EPHA7: variants seen among roughly 807,000 people sequenced by gnomAD.
EPHA7 encodes EPH receptor A7, also known as ephrin type-A receptor 7.
A neutral mutation model predicts 112.6 loss-of-function variants in EPHA7; 25 were observed. That is an observed-to-expected ratio of 0.22 (90% confidence interval 0.16 to 0.31). The LOEUF is 0.31. Among genes scored for constraint, EPHA7 ranks in the 10% least tolerant of loss-of-function variants. The pLI is 1.00. For synonymous variants in EPHA7, 437 were observed against 406.5 expected (o/e 1.07, Z -0.90); for missense variants, 962 against 1,212.6 (o/e 0.79, Z 3.07).
intron 5 of EPHA7, among the ~76,000 whole-genome samples, chr6:93,332,431 G>A (rs1774641992): frequency 6.6e-6 from 1 of 151,506 alleles, no homozygotes; most frequent in South Asian, 2.1e-4. Context: ...TTGTATACTT[G>A]TAATCTTTTA....
At chr6:93,265,967 G>A (rs1770915792) in intron 7 of EPHA7, among the ~76,000 whole-genome samples, 1 of 151,584 alleles carries the variant, frequency 6.6e-6, no homozygotes, top group African/African-American at 2.4e-5. Flanking sequence ...TAGCTCCTGT[G>A]TTGAAAAACA....
rs1772436159 is a variant in EPHA7 at position 93,292,559 on chromosome 6, A to AT, written c.1325-20138_1325-20137insA. On this transcript the variant is annotated intron_variant, in intron 5 of 16. Coordinates refer to ENST00000369303, the MANE Select transcript of EPHA7 (RefSeq NM_004440.4). ...CACATGACAAAGCTGACCCAGATAA[A>AT]AGGTTATGGAGTACTACTGTATTAG... Among the ~76,000 whole-genome samples, 3 of 152,198 alleles carry AT rather than the reference A, an allele frequency of 2.0e-5. No individual in the cohort carries two copies. The South Asian group carries it at 6.2e-4, about 32-fold the overall frequency.
chr6:93,278,634 C>A (rs973366341), intron 5 of EPHA7, among the ~76,000 whole-genome samples: 2 of 151,766 alleles, frequency 1.3e-5, no homozygotes, highest in Non-Finnish European at 2.9e-5. Context: ...TTAGAATTTG[C>A]AACATTAGAT....
At chr6:93,395,461 T>C (rs941338564) in intron 3 of EPHA7, among the ~76,000 whole-genome samples, 1 of 151,812 alleles carries the variant, frequency 6.6e-6, no homozygotes, top group African/African-American at 2.4e-5. Context: ...TAAAATGTCA[T>C]GACATGTAAA....
intron 5 of EPHA7, among the ~76,000 whole-genome samples, chr6:93,283,490 G>T (rs1771881962): frequency 6.6e-6 from 1 of 152,028 alleles, no homozygotes; most frequent in Non-Finnish European, 1.5e-5. Flanking sequence ...GGTCCACATT[G>T]CCTTTATGAG....
intron 5 of EPHA7, among the ~76,000 whole-genome samples, chr6:93,342,196 C>T (rs1237348285): frequency 6.6e-6 from 1 of 151,792 alleles, no homozygotes; most frequent in Non-Finnish European, 1.5e-5. Context: ...TTTTAAAAAG[C>T]CTACAGGTTA....
Position 93,410,800 on chromosome 6 carries a change from G to C in EPHA7, c.533C>G (p.Ser178Cys). The change falls in exon 3 of 17, where the codon TCC becomes TGC. Residue 178 changes from serine to cysteine, a missense_variant. This residue lies in a region of EPHA7 where 160 missense variants were observed against 263.6 expected (regional missense o/e 0.61). Transcript: ENST00000369303. This position sits in a 1 kb window ranked among gnomAD's most constrained non-coding sequence, Gnocchi z 4.0. ...NTEVREIGPL[S>C]KKGFYLAFQD... ...AAAGGCAAGATAGAATCCCTTTTTGGACAAAGGTCCAATCTCTCTCACCTC... is the reference window on the plus strand; with the variant it reads ...AAAGGCAAGATAGAATCCCTTTTTGCACAAAGGTCCAATCTCTCTCACCTC... 6.2e-7 allele frequency: 1 copy of C among 1,613,936 alleles called. No individual in the cohort carries two copies. The highest frequency in any genetic ancestry group is 8.5e-7 in the Non-Finnish European group (1 of 1,179,918).
chr6:93,280,562 A>T (rs1342093324), intron 5 of EPHA7, among the ~76,000 whole-genome samples: 3 of 152,154 alleles, frequency 2.0e-5, no homozygotes, highest in African/African-American at 7.2e-5. Flanking sequence ...AGCTATTCTG[A>T]TGCTCCTTAA....
intron 9 of EPHA7, 61 bp downstream of exon 9, chr6:93,263,799 T>TA (rs1770800808): frequency 7.1e-7 from 1 of 1,405,226 alleles, no homozygotes; most frequent in African/African-American, 1.4e-5. Flanking sequence ...ATGCCAATGC[T>TA]AATAACCAGA....
chr6:93,342,261 C>T (rs540479639), intron 5 of EPHA7, among the ~76,000 whole-genome samples: 1 of 151,778 alleles, frequency 6.6e-6, no homozygotes, highest in South Asian at 2.1e-4. Context: ...GTGTGGAATT[C>T]ACTCTTGCTG....
intron 3 of EPHA7, among the ~76,000 whole-genome samples, chr6:93,389,947 G>C (rs1022877102): frequency 6.6e-6 from 1 of 151,898 alleles, no homozygotes; most frequent in Non-Finnish European, 1.5e-5. Context: ...TGATAAAGCA[G>C]TTTGTAAAAG....
intron 5 of EPHA7, among the ~76,000 whole-genome samples, chr6:93,332,412 A>C (rs1774640720): frequency 6.6e-6 from 1 of 151,712 alleles, no homozygotes; most frequent in Admixed American, 6.6e-5. Context: ...TATCTACAGA[A>C]CATGAGCTTT....
chr6:93,282,483 C>A (rs754889770), intron 5 of EPHA7, among the ~76,000 whole-genome samples: 4 of 152,268 alleles, frequency 2.6e-5, no homozygotes, highest in Admixed American at 6.5e-5. Flanking sequence ...TGACAGCATG[C>A]TGGCAGCCCT....
chr6:93,375,886 T>C (rs1251156351), intron 3 of EPHA7, among the ~76,000 whole-genome samples: 1 of 152,178 alleles, frequency 6.6e-6, no homozygotes, highest in Non-Finnish European at 1.5e-5. Context: ...AGCTCCCATT[T>C]TCCTCATTCA....
chr6:93,311,303 AT>A (rs1773529312), intron 5 of EPHA7, among the ~76,000 whole-genome samples: 1 of 151,806 alleles, frequency 6.6e-6, no homozygotes, highest in Admixed American at 6.6e-5. Flanking sequence ...TTCTTTCAAA[AT>A]TAAAGTCAAC....
intron 3 of EPHA7, among the ~76,000 whole-genome samples, chr6:93,403,431 A>G (rs2127990206): frequency 6.6e-6 from 1 of 152,154 alleles, no homozygotes. Flanking sequence ...AAGGAATAAA[A>G]TAAGATAGCA....
In EPHA7 at chr6:93,263,923, A is replaced by G; in HGVS notation, c.1743-8T>C. 1 of 1,607,142 alleles carries G rather than the reference A, an allele frequency of 6.2e-7. No homozygotes were observed. The highest frequency in any genetic ancestry group is 8.5e-7 in the Non-Finnish European group (1 of 1,175,666). On this transcript the variant is annotated splice_polypyrimidine_tract_variant and splice_region_variant and intron_variant, in intron 8 of 16. Transcript: ENST00000369303. ...TTGCTATAACCACAGTGCCTTGAAG[A>G]AAGCAAATTTGTGACAATCTCAGTC...
intron 2 of EPHA7, among the ~76,000 whole-genome samples, chr6:93,413,412 C>G (rs1318957198): frequency 6.6e-6 from 1 of 151,872 alleles, no homozygotes; most frequent in Non-Finnish European, 1.5e-5. Flanking sequence ...CAGTTTACTT[C>G]TCCTCAGAGA....
At chr6:93,275,160 A>G (rs1475542607) in intron 5 of EPHA7, among the ~76,000 whole-genome samples, 1 of 151,864 alleles carries the variant, frequency 6.6e-6, no homozygotes, top group Non-Finnish European at 1.5e-5. Context: ...CAATATACAA[A>G]TGAATATACA....
Sources: gnomAD v4.1 joint callset for allele counts (sites outside exome capture counted in the v4.1 genomes callset) on GRCh38, gnomAD v4.1.1 for gene constraint, gnomAD v4.1.1 regional missense constraint, Gnocchi (gnomAD v3.1) non-coding constraint, MANE v1.5 for transcripts, NCBI Gene and HGNC (gene_info 2026-07-23, HGNC 2026-07-21) for gene names.